EFNA5: variants seen among roughly 807,000 people sequenced by gnomAD.
EFNA5 encodes ephrin A5, also known as ephrin-A5.
EFNA5 carries 5 observed loss-of-function variants against 22.9 expected under a neutral mutation model. The observed-to-expected ratio is 0.22, with a 90% CI of 0.11 to 0.46. The LOEUF is 0.46. EFNA5 is among the 20% of genes least tolerant of loss of function. EFNA5 has a pLI of 0.99. For synonymous variants in EFNA5, 113 were observed against 112.2 expected, an observed-to-expected ratio of 1.01 and a Z score of -0.04; for missense variants, 237 against 293.3, an observed-to-expected ratio of 0.81 and a Z score of 1.40.
intron 1 of EFNA5, among the ~76,000 whole-genome samples, chr5:107,659,227 A>G (rs1750891321): frequency 6.6e-6 from 1 of 152,178 alleles, no homozygotes; most frequent in South Asian, 2.1e-4. Context: ...TGGAAAAATA[A>G]GTTCAAGTCA....
Position 107,452,325 on chromosome 5 carries a change from GT to G in EFNA5, c.126-24817del, listed in dbSNP as rs935006082. Among the ~76,000 whole-genome samples, 13 of 151,280 alleles carry G rather than the reference GT, an allele frequency of 8.6e-5. No homozygotes were observed. In the South Asian group the frequency reaches 1.5e-3, roughly 17 times the overall value. On this transcript the variant is annotated intron_variant, in intron 1 of 4. Coordinates refer to ENST00000333274, the MANE Select transcript of EFNA5 (RefSeq NM_001962.3). ...CCTGTACGTTCCGCACAAGTATCCC[GT>G]TTTTTTTCTTTTAGAAAAAAAAAGT...
At chr5:107,663,814 TA>T (rs1751015368) in intron 1 of EFNA5, among the ~76,000 whole-genome samples, 1 of 152,164 alleles carries the variant, frequency 6.6e-6, no homozygotes, top group African/African-American at 2.4e-5. Context: ...AATAGATTTT[TA>T]AAAATCATTC....
intron 1 of EFNA5, among the ~76,000 whole-genome samples, chr5:107,586,371 T>C (rs1365721874): frequency 1.3e-5 from 2 of 152,186 alleles, no homozygotes; most frequent in Non-Finnish European, 2.9e-5. Flanking sequence ...ACTAGGGCTA[T>C]TGAGTACACA....
intron 2 of EFNA5, among the ~76,000 whole-genome samples, chr5:107,409,553 T>G (rs538741085): frequency 2.5e-4 from 38 of 152,330 alleles, no homozygotes; most frequent in Non-Finnish European, 4.4e-4. Context: ...GGAAGGCATA[T>G]GTATTAGTGA....
chr5:107,478,468 G>A (rs1750370302), intron 1 of EFNA5, among the ~76,000 whole-genome samples: 1 of 152,162 alleles, frequency 6.6e-6, no homozygotes, highest in African/African-American at 2.4e-5. Context: ...ACAGATGTCG[G>A]GAGAGCACAC....
chr5:107,426,356 T>C (rs929063262), intron 2 of EFNA5, among the ~76,000 whole-genome samples: 5 of 152,180 alleles, frequency 3.3e-5, no homozygotes, highest in African/African-American at 1.2e-4. Context: ...CAAAGTGTGG[T>C]CCACAGTTCA....
chr5:107,590,849 A>G (rs145356940), intron 1 of EFNA5, among the ~76,000 whole-genome samples: 26 of 152,310 alleles, frequency 1.7e-4, no homozygotes, highest in African/African-American at 6.0e-4. Context: ...TCCTTTAGTC[A>G]TCTGGATAGT....
At chr5:107,459,243 A>T (rs772444733) in intron 1 of EFNA5, among the ~76,000 whole-genome samples, 1 of 151,984 alleles carries the variant, frequency 6.6e-6, no homozygotes, top group Non-Finnish European at 1.5e-5. Context: ...AAAATACAAA[A>T]AATTAGGTGG....
chr5:107,553,270 C>A (rs951759764), intron 1 of EFNA5, among the ~76,000 whole-genome samples: 1 of 152,186 alleles, frequency 6.6e-6, no homozygotes, highest in African/African-American at 2.4e-5. Context: ...GCCTGCTCTG[C>A]AATCCCCAGT....
At chr5:107,387,167 G>A in intron 4 of EFNA5, 68 bp downstream of exon 4, 4 of 1,165,728 alleles carry the variant, frequency 3.4e-6, no homozygotes, top group East Asian at 2.5e-5. Context: ...GAAGAAGAAA[G>A]GAAAAAAATA....
chr5:107,445,748 G>A (rs1207042109), intron 1 of EFNA5, among the ~76,000 whole-genome samples: 2 of 152,134 alleles, frequency 1.3e-5, no homozygotes, highest in African/African-American at 4.8e-5. Flanking sequence ...CCACTTGGGA[G>A]GTGTCACTAA....
chr5:107,463,760 C>T, intron 1 of EFNA5, among the ~76,000 whole-genome samples: 1 of 152,066 alleles, frequency 6.6e-6, no homozygotes, highest in African/African-American at 2.4e-5. Flanking sequence ...AGTGAGTGAG[C>T]TTTTCTGTAT....
intron 1 of EFNA5, among the ~76,000 whole-genome samples, chr5:107,485,008 A>G (rs1011089283): frequency 1.3e-5 from 2 of 152,064 alleles, no homozygotes; most frequent in Non-Finnish European, 2.9e-5. Flanking sequence ...TTAAAAAGAA[A>G]AAGAAAAAAA....
intron 1 of EFNA5, among the ~76,000 whole-genome samples, chr5:107,496,025 C>T (rs1194352762): frequency 1.3e-5 from 2 of 151,930 alleles, no homozygotes; most frequent in Non-Finnish European, 2.9e-5. Context: ...AACCCAATTT[C>T]CCCAAAATTA....
intron 1 of EFNA5, among the ~76,000 whole-genome samples, chr5:107,505,720 CTG>C (rs1214371683): frequency 2.0e-5 from 3 of 152,196 alleles, no homozygotes; most frequent in Non-Finnish European, 4.4e-5. Context: ...GTACACAACA[CTG>C]TGAGAATCAG....
intron 2 of EFNA5, among the ~76,000 whole-genome samples, chr5:107,421,533 C>T (rs907866786): frequency 1.1e-4 from 16 of 152,014 alleles, no homozygotes; most frequent in East Asian, 3.9e-4. Flanking sequence ...AAAAGGTCAA[C>T]GCTTTGGGAA....
intron 1 of EFNA5, among the ~76,000 whole-genome samples, chr5:107,643,878 T>C (rs1471663530): frequency 1.2e-5 from 1 of 80,772 alleles, no homozygotes; most frequent in African/African-American, 3.4e-5. Context: ...TCTTTAATAA[T>C]AATAATAATA....
chr5:107,407,632 C>G (rs1367314642), intron 2 of EFNA5, among the ~76,000 whole-genome samples: 1 of 152,092 alleles, frequency 6.6e-6, no homozygotes, highest in Non-Finnish European at 1.5e-5. Flanking sequence ...ACTAAGAACC[C>G]AATTTTTAGG....
At chr5:107,630,873 C>T (rs1227761426) in intron 1 of EFNA5, among the ~76,000 whole-genome samples, 4 of 151,884 alleles carry the variant, frequency 2.6e-5, no homozygotes, top group South Asian at 2.1e-4. Context: ...ACTTTTTAAA[C>T]TTTTGTTAAA....
Sources: allele counts gnomAD v4.1 joint callset (sites outside exome capture counted in the v4.1 genomes callset), GRCh38; gene constraint gnomAD v4.1.1; transcripts MANE v1.5; gene names NCBI Gene and HGNC (gene_info 2026-07-23, HGNC 2026-07-21).